The following MEF2C variants were observed in gnomAD, a reference collection of about 807,000 sequenced individuals.
MEF2C encodes myocyte-specific enhancer factor 2C.
MEF2C carries 6 observed loss-of-function variants against 50.5 expected under a neutral mutation model. That is an observed-to-expected ratio of 0.12 (90% CI 0.07 to 0.23). The LOEUF is 0.23. Among genes scored for constraint, MEF2C ranks in the 10% least tolerant of loss-of-function variants. The pLI, the probability that MEF2C is intolerant of heterozygous loss-of-function variation, is 1.00. For missense variants in MEF2C, 276 were observed against 605.0 expected, an observed-to-expected ratio of 0.46 and a Z score of 5.70; for synonymous variants, 183 against 228.0, an observed-to-expected ratio of 0.80 and a Z score of 1.78.
chr5:88,764,780 C>T (rs529380869), intron 3 of MEF2C, among the ~76,000 whole-genome samples: 83 of 133,794 alleles, frequency 6.2e-4, no homozygotes, highest in African/African-American at 2.2e-3. Context: ...TGCACTTCAG[C>T]CTGGGCAACA....
At chr5:88,735,507 G>A (rs1763719218) in intron 6 of MEF2C, 2 of 983,666 alleles carry the variant, frequency 2.0e-6, no homozygotes, top group South Asian at 4.7e-5. Context: ...ATGAAGTACA[G>A]ACCAACTTTA....
chr5:88,743,560 T>C, intron 6 of MEF2C: 7 of 979,650 alleles, frequency 7.1e-6, no homozygotes, highest in African/African-American at 1.7e-5. Flanking sequence ...TTTATGATTA[T>C]ATTATCATAA....
In MEF2C at chr5:88,719,637, T is replaced by C. The variant is rs1258543790; in HGVS notation, c.*2967A>G. Reference sequence around the variant, plus strand: ...AAGGATTTACTGTGATTAAAAACCATACTAGCTTTGCAAATACAATAAATG... The same window carrying C: ...AAGGATTTACTGTGATTAAAAACCACACTAGCTTTGCAAATACAATAAATG... On this transcript the variant is annotated 3_prime_UTR_variant, in exon 11 of 11. Transcript: ENST00000504921. The C allele has an allele frequency of 3.3e-5, 5 of 152,198 alleles. No homozygotes were observed. Among genetic ancestry groups the C allele is most frequent in the Non-Finnish European group, 5.9e-5 (4 of 68,014 alleles). The allele number at this position is 152,198 out of a possible 1,614,324, so 9.4% of individuals were successfully genotyped here. A position where few individuals can be genotyped will look rare whatever the true frequency, so the allele number is the denominator to read the frequency against.
At chr5:88,803,136 T>G (rs1233356544) in intron 3 of MEF2C, among the ~76,000 whole-genome samples, 1 of 152,206 alleles carries the variant, frequency 6.6e-6, no homozygotes, top group Non-Finnish European at 1.5e-5. Context: ...CTATCTGAAA[T>G]GCATAGGTAA....
chr5:88,755,208 C>T (rs1774742252), intron 4 of MEF2C, among the ~76,000 whole-genome samples: 1 of 152,200 alleles, frequency 6.6e-6, no homozygotes, highest in South Asian at 2.1e-4. Context: ...AGACACTCTA[C>T]TGACACAAAA....
At chr5:88,735,133 A>G (rs1311678315) in intron 6 of MEF2C, 2 of 985,292 alleles carry the variant, frequency 2.0e-6, no homozygotes, top group Non-Finnish European at 2.4e-6. Context: ...AATGATGAAT[A>G]CATGCGTGTG....
intron 6 of MEF2C, chr5:88,744,014 T>C: frequency 2.1e-6 from 2 of 966,872 alleles, no homozygotes; most frequent in Non-Finnish European, 2.5e-6. Context: ...CCTAAAGGTT[T>C]TTCATTTCTT....
At chr5:88,728,691 A>G in intron 9 of MEF2C, 63 bp from the exon 10 acceptor site, 1 of 1,170,728 alleles carries the variant, frequency 8.5e-7, no homozygotes, top group Non-Finnish European at 1.1e-6. Flanking sequence ...AATGGTAAAT[A>G]GAATAAACAT....
intron 2 of MEF2C, among the ~76,000 whole-genome samples, chr5:88,813,208 T>G (rs1406011533): frequency 6.6e-6 from 1 of 151,982 alleles, no homozygotes; most frequent in African/African-American, 2.4e-5. Flanking sequence ...TAGTTCTATA[T>G]TTATGGATGT....
intron 1 of MEF2C, among the ~76,000 whole-genome samples, chr5:88,873,560 C>T (rs1211201105): frequency 6.6e-6 from 1 of 151,826 alleles, no homozygotes; most frequent in Non-Finnish European, 1.5e-5. Context: ...GGGAAAAAAT[C>T]ACATAACGCT....
chr5:88,855,070 G>T (rs1822806611), intron 1 of MEF2C, among the ~76,000 whole-genome samples: 1 of 152,178 alleles, frequency 6.6e-6, no homozygotes, highest in Non-Finnish European at 1.5e-5. Flanking sequence ...AAGGGTGCTG[G>T]ACCCCGTGCT....
At chr5:88,799,256 C>T (rs1797277036) in intron 3 of MEF2C, among the ~76,000 whole-genome samples, 1 of 152,220 alleles carries the variant, frequency 6.6e-6, no homozygotes. Context: ...CTGCCCCTTC[C>T]CCTAGGTGCT....
intron 2 of MEF2C, among the ~76,000 whole-genome samples, chr5:88,806,036 C>A (rs1800307169): frequency 6.6e-6 from 1 of 151,756 alleles, no homozygotes; most frequent in South Asian, 2.1e-4. Context: ...GGCTATGAAA[C>A]CTTTTAAACT....
chr5:88,771,284 T>A (rs1782292339), intron 3 of MEF2C: 1 of 421,986 alleles, frequency 2.4e-6, no homozygotes, highest in South Asian at 1.0e-4. Flanking sequence ...ATTTGGCAAG[T>A]CAGCTCAATC....
intron 3 of MEF2C, among the ~76,000 whole-genome samples, chr5:88,794,063 G>C (rs1203280232): frequency 2.0e-5 from 3 of 152,148 alleles, no homozygotes; most frequent in African/African-American, 4.8e-5. Flanking sequence ...ATTTGGGTTG[G>C]TTCCAAGTCT....
chr5:88,781,260 C>T (rs906821642), intron 3 of MEF2C, among the ~76,000 whole-genome samples: 6 of 152,086 alleles, frequency 3.9e-5, no homozygotes, highest in East Asian at 1.9e-4. Context: ...CCAAAGTATG[C>T]GTGTGTATAT....
chr5:88,787,721 A>G (rs1478481429), intron 3 of MEF2C, among the ~76,000 whole-genome samples: 2 of 152,230 alleles, frequency 1.3e-5, no homozygotes, highest in African/African-American at 4.8e-5. Flanking sequence ...AAAACCAATC[A>G]TGGAGTCTGG....
chr5:88,731,529 TA>T (rs1304168500), intron 7 of MEF2C, 199 bp downstream of exon 7: 77 of 513,304 alleles, frequency 1.5e-4, no homozygotes, highest in African/African-American at 3.1e-4. Flanking sequence ...TATATATATA[TA>T]TTTTTTTTAC....
intron 6 of MEF2C, 116 bp from the exon 7 acceptor site, chr5:88,732,017 AC>A: frequency 5.4e-6 from 5 of 920,304 alleles, no homozygotes; most frequent in Non-Finnish European, 8.0e-6. Context: ...ACATTGCAAA[AC>A]CATAGGATGA....
Sources: gnomAD v4.1 joint callset for allele counts (sites outside exome capture counted in the v4.1 genomes callset) on GRCh38, gnomAD v4.1.1 for gene constraint, MANE v1.5 for transcripts, NCBI Gene and HGNC (gene_info 2026-07-23, HGNC 2026-07-21) for gene names.